CSMD1: variants seen among roughly 807,000 people sequenced by gnomAD.
The protein encoded by CSMD1 is CUB and Sushi multiple domains 1.
CSMD1 carries 213 observed loss-of-function variants against 417.5 expected under a neutral mutation model. The ratio of observed to expected loss-of-function variants is 0.51; its 90% CI spans 0.46 to 0.57. The LOEUF is 0.57. CSMD1 is among the 20% of genes least tolerant of loss of function. The probability of loss-of-function intolerance (pLI) is 0.00; values close to 1 mark genes in which losing one functional copy is unlikely to be tolerated. For missense variants in CSMD1, 6,923 were observed against 4,529.7 expected (o/e 1.53, Z -15.17); for synonymous variants, 2,862 against 1,736.8 (o/e 1.65, Z -16.11).
intron 1 of CSMD1, among the ~76,000 whole-genome samples, chr8:4,788,781 A>G (rs1360750110): frequency 6.6e-6 from 1 of 152,204 alleles, no homozygotes; most frequent in African/African-American, 2.4e-5. Flanking sequence ...AAGGGAAACT[A>G]TCATGCTTAA....
chr8:3,194,951 C>G (rs893008567), intron 33 of CSMD1, among the ~76,000 whole-genome samples: 3 of 151,998 alleles, frequency 2.0e-5, no homozygotes, highest in Non-Finnish European at 4.4e-5. Context: ...AAGTCCTGGC[C>G]AATAGACATT....
intron 7 of CSMD1, among the ~76,000 whole-genome samples, chr8:3,682,946 AC>A (rs1370766920): frequency 4.6e-5 from 7 of 152,162 alleles, no homozygotes; most frequent in Non-Finnish European, 8.8e-5. Flanking sequence ...TATCGCAAGG[AC>A]CAAAAACCAA....
chr8:4,503,069 T>C (rs1802338900), intron 2 of CSMD1, among the ~76,000 whole-genome samples: 1 of 152,218 alleles, frequency 6.6e-6, no homozygotes, highest in African/African-American at 2.4e-5. Context: ...TATAGTTCTG[T>C]AAAGGTGCAT....
In CSMD1 at chr8:2,966,762, G is replaced by C. The variant is rs1803996783; in HGVS notation, c.8924-16C>G. The C allele has an allele frequency of 6.2e-7, 1 of 1,610,676 alleles. No homozygotes were observed. Among genetic ancestry groups the C allele is most frequent in the Admixed American group, 1.7e-5 (1 of 59,644 alleles). ...CAGGACACGGCTGTTAGGCAAACAA[G>C]AACACCACCACACACAGTGAGTGAC... On this transcript the variant is annotated splice_polypyrimidine_tract_variant and intron_variant, in intron 57 of 69. Coordinates refer to ENST00000635120, the MANE Select transcript of CSMD1 (RefSeq NM_033225.6).
Position 3,901,797 on chromosome 8 carries a change from A to C in CSMD1, c.818+96106T>G, listed in dbSNP as rs116764174. Reference sequence around the variant, plus strand: ...TCTGGCGTCAAAGTGTGGTTTATTAAGCTCTTGGGGTGTTCACAAGTATTC... The same window carrying C: ...TCTGGCGTCAAAGTGTGGTTTATTACGCTCTTGGGGTGTTCACAAGTATTC... On this transcript the variant is annotated intron_variant, in intron 5 of 69. Transcript: ENST00000635120. 3.5e-3 allele frequency among the ~76,000 whole-genome samples: 530 copies of C among 152,286 alleles called. 4 individuals carry two copies. The highest frequency in any genetic ancestry group is 0.012 in the African/African-American group (479 of 41,554).
chr8:3,516,515 T>G (rs748935125), intron 10 of CSMD1, among the ~76,000 whole-genome samples: 2 of 152,220 alleles, frequency 1.3e-5, no homozygotes, highest in Non-Finnish European at 2.9e-5. Flanking sequence ...ACTCCTCTCA[T>G]TACACCTTTG....
chr8:3,931,633 C>T (rs1165337509), intron 5 of CSMD1, among the ~76,000 whole-genome samples: 2 of 149,512 alleles, frequency 1.3e-5, no homozygotes, highest in Non-Finnish European at 3.0e-5. Flanking sequence ...GAGAAAAGTG[C>T]CTCAGGATGT....
At chr8:3,181,471 G>A (rs1821320919) in intron 36 of CSMD1, among the ~76,000 whole-genome samples, 1 of 152,132 alleles carries the variant, frequency 6.6e-6, no homozygotes, top group South Asian at 2.1e-4. Context: ...TCCTATTGTA[G>A]CATGAGGTTT....
At chr8:3,424,562 A>G (rs989229622) in intron 12 of CSMD1, among the ~76,000 whole-genome samples, 1 of 152,238 alleles carries the variant, frequency 6.6e-6, no homozygotes, top group African/African-American at 2.4e-5. Flanking sequence ...TTGTAATTAC[A>G]CTTAGTAAAA....
chr8:3,984,415 G>A (rs71521899), intron 5 of CSMD1, among the ~76,000 whole-genome samples: 22 of 151,824 alleles, frequency 1.4e-4, no homozygotes, highest in Non-Finnish European at 5.9e-5. Flanking sequence ...AGTACTTTTG[G>A]TTCTAAGATA....
intron 12 of CSMD1, among the ~76,000 whole-genome samples, chr8:3,415,194 C>T (rs55748924): frequency 0.061 from 9,275 of 152,156 alleles, 341 homozygotes; most frequent in East Asian, 0.16. Context: ...AATATGTGTA[C>T]GTATCATAAT....
At chr8:4,134,474 C>G (rs1044153828) in intron 3 of CSMD1, among the ~76,000 whole-genome samples, 1 of 152,164 alleles carries the variant, frequency 6.6e-6, no homozygotes, top group Non-Finnish European at 1.5e-5. Flanking sequence ...GATACCAAAC[C>G]TGCTATCACT....
intron 5 of CSMD1, among the ~76,000 whole-genome samples, chr8:3,786,584 G>C (rs1210113005): frequency 3.3e-5 from 5 of 152,138 alleles, no homozygotes; most frequent in East Asian, 1.9e-4. Context: ...GGATGGACAG[G>C]AAAATCGCTG....
intron 1 of CSMD1, among the ~76,000 whole-genome samples, chr8:4,951,646 A>G (rs1808757669): frequency 6.6e-6 from 1 of 151,752 alleles, no homozygotes; most frequent in Non-Finnish European, 1.5e-5. Flanking sequence ...GGACTGTGAA[A>G]TGTTTTATCT....
intron 49 of CSMD1, among the ~76,000 whole-genome samples, chr8:3,085,492 T>C (rs1814460190): frequency 6.6e-6 from 1 of 152,230 alleles, no homozygotes; most frequent in Non-Finnish European, 1.5e-5. Context: ...GCATCCCATA[T>C]ACACAAAGCC....
At chr8:3,105,871 A>T (rs1407890650) in intron 46 of CSMD1, among the ~76,000 whole-genome samples, 2 of 152,254 alleles carry the variant, frequency 1.3e-5, no homozygotes, top group African/African-American at 4.8e-5. Flanking sequence ...GTAAGTTTTC[A>T]TAGCGGAAGC....
At chr8:3,937,846 ATTAAAT>A (rs1213539187) in intron 5 of CSMD1, among the ~76,000 whole-genome samples, 1 of 152,172 alleles carries the variant, frequency 6.6e-6, no homozygotes, top group African/African-American at 2.4e-5. Context: ...AAAGTTTATA[ATTAAAT>A]TCAAATATTA....
In CSMD1 at chr8:3,720,620, T is replaced by TACAC. The variant is rs1554520854; in HGVS notation, c.932-12133_932-12130dup. On this transcript the variant is annotated intron_variant, in intron 6 of 69. Coordinates refer to ENST00000635120, the MANE Select transcript of CSMD1 (RefSeq NM_033225.6). ...CATTGGTGGTCAAAGTCTTTATTCT[T>TACAC]ACACACACACACACACACACACACA... Among the ~76,000 whole-genome samples the TACAC allele has an allele frequency of 3.3e-3, 479 of 143,408 alleles. 2 individuals carry two copies. The highest frequency in any genetic ancestry group is 0.01 in the Middle Eastern group (3 of 288). 94.1% of individuals were successfully genotyped at this position (143,408 alleles called of 152,430 possible). A position where few individuals can be genotyped will look rare whatever the true frequency, so the allele number is the denominator to read the frequency against.
intron 2 of CSMD1, among the ~76,000 whole-genome samples, chr8:4,620,872 G>C (rs1411816624): frequency 6.6e-6 from 1 of 151,458 alleles, no homozygotes; most frequent in Non-Finnish European, 1.5e-5. Context: ...AAATAGAAGA[G>C]TGAAAATAAG....
Sources: gnomAD v4.1 joint callset for allele counts (sites outside exome capture counted in the v4.1 genomes callset) on GRCh38, gnomAD v4.1.1 for gene constraint, MANE v1.5 for transcripts, NCBI Gene and HGNC (gene_info 2026-07-23, HGNC 2026-07-21) for gene names.